The following DERA variants were observed in gnomAD, a reference collection of about 807,000 sequenced individuals.
DERA encodes deoxyribose-phosphate aldolase, also known as 2-deoxy-D-ribose 5-phosphate aldolase.
Under a neutral mutation model 41.1 loss-of-function variants are expected in DERA, and 15 were observed. That is an observed-to-expected ratio of 0.37 (90% CI 0.24 to 0.56). The LOEUF (loss-of-function observed/expected upper bound fraction) is 0.56. Ranked by LOEUF, DERA falls within the 20% of genes least tolerant of loss-of-function variation. DERA has a pLI of 0.81. For missense variants in DERA, 396 were observed against 403.4 expected (o/e 0.98, Z 0.16); for synonymous variants, 139 against 137.4 (o/e 1.01, Z -0.08).
Position 16,036,975 on chromosome 12 carries a change from A to G in DERA, c.*229A>G. ...AATTACTAGAAGATCTGCACTATTA[A>G]CTTTGTGAAGAGTTTCTCCTAAAAA... On this transcript the variant is annotated 3_prime_UTR_variant, in exon 9 of 9. Coordinates refer to ENST00000428559, the MANE Select transcript of DERA (RefSeq NM_015954.4). The surrounding 1 kb of genome is among the most constrained non-coding windows in gnomAD (Gnocchi z 4.9). 2.2e-6 allele frequency: 1 copy of G among 459,260 alleles called. No individual in the cohort carries two copies. The highest frequency in any genetic ancestry group is 3.8e-6 in the Non-Finnish European group (1 of 263,078). 28.4% of individuals were successfully genotyped at this position (459,260 alleles called of 1,614,324 possible). A position where few individuals can be genotyped will look rare whatever the true frequency, so the allele number is the denominator to read the frequency against.
chr12:16,010,556 A>AT lies in DERA; in HGVS notation c.638-21985dup, dbSNP rs1948940798. ...GGTCGCCAAGTGAAAAGGAATAAAG[A>AT]TAAAAATGAAGGCGTGACTAGTTGA... On this transcript the variant is annotated intron_variant, in intron 6 of 8. Coordinates refer to ENST00000428559, the MANE Select transcript of DERA (RefSeq NM_015954.4). The surrounding 1 kb of genome is among the most constrained non-coding windows in gnomAD (Gnocchi z 5.5). 3.3e-5 allele frequency among the ~76,000 whole-genome samples: 5 copies of AT among 152,094 alleles called. No homozygotes were observed. The South Asian group carries it at 6.3e-4, about 19-fold the overall frequency.
At chr12:16,018,692 A>G (rs987665374) in intron 6 of DERA, among the ~76,000 whole-genome samples, 3 of 152,264 alleles carry the variant, frequency 2.0e-5, no homozygotes, top group African/African-American at 4.8e-5. Context: ...TGTACCATGG[A>G]GACTTGTAAT....
chr12:15,945,214 C>T (rs1486527519), intron 1 of DERA, among the ~76,000 whole-genome samples: 1 of 152,124 alleles, frequency 6.6e-6, no homozygotes, highest in Non-Finnish European at 1.5e-5. Flanking sequence ...GCAATGTGGG[C>T]TGTTTTTTGG....
chr12:15,932,150 A>G (rs568250854), intron 1 of DERA, among the ~76,000 whole-genome samples: 1 of 152,372 alleles, frequency 6.6e-6, no homozygotes, highest in East Asian at 1.9e-4. Context: ...ATCTTGTGAT[A>G]TGAAAACTTT....
chr12:15,979,211 GA>G (rs994075586), intron 5 of DERA, among the ~76,000 whole-genome samples: 6 of 152,082 alleles, frequency 3.9e-5, no homozygotes, highest in African/African-American at 1.4e-4. Flanking sequence ...GCCTTGCTTG[GA>G]AAAAAAGCAG....
intron 6 of DERA, among the ~76,000 whole-genome samples, chr12:16,023,328 TA>T (rs1349916260): frequency 6.6e-6 from 1 of 152,136 alleles, no homozygotes; most frequent in East Asian, 1.9e-4. Context: ...CAGCAAACCT[TA>T]AACACAGCCC....
rs1236741661 is a variant in DERA, at chr12:15,913,950, A to G, written c.31+2536A>G. ...TGCCCTATATAGTCTATTAAAATGTACAGATATTCTTCTATTTTATTAGAT... is the reference window on the plus strand; with the variant it reads ...TGCCCTATATAGTCTATTAAAATGTGCAGATATTCTTCTATTTTATTAGAT... On this transcript the variant is annotated intron_variant, in intron 1 of 8. Transcript: ENST00000428559. This position sits in a 1 kb window ranked among gnomAD's most constrained non-coding sequence, Gnocchi z 4.5. Among the ~76,000 whole-genome samples, 2 of 152,202 alleles carry G rather than the reference A, an allele frequency of 1.3e-5. No individual in the cohort carries two copies. The highest frequency in any genetic ancestry group is 4.8e-5 in the African/African-American group (2 of 41,468).
chr12:15,987,536 C>T (rs553263441), intron 6 of DERA, among the ~76,000 whole-genome samples: 2 of 152,178 alleles, frequency 1.3e-5, no homozygotes, highest in East Asian at 3.9e-4. Flanking sequence ...TGTGCCCAGC[C>T]TAAAACCATA....
In DERA at chr12:15,985,325, G is replaced by T. The variant is rs1050937125; in HGVS notation, c.637+2889G>T. 2 of 152,132 alleles carry T rather than the reference G, an allele frequency of 1.3e-5. No homozygotes were observed. Among genetic ancestry groups the T allele is most frequent in the Non-Finnish European group, 2.9e-5 (2 of 68,030 alleles). The allele number at this position is 152,132 out of a possible 1,614,324, so 9.4% of individuals were successfully genotyped here. ...GAGATCTTAAGGAGTTTGCCTAGAA[G>T]TATTTCACTGTGTAAGTATACTGAG... is the stretch of plus-strand genomic sequence containing the variant. On this transcript the variant is annotated intron_variant, in intron 6 of 8. Transcript: ENST00000428559. The surrounding 1 kb of genome is among the most constrained non-coding windows in gnomAD (Gnocchi z 4.2).
rs1420673947 is a variant in DERA, at chr12:16,004,506, T to G, written c.637+22070T>G. 6.6e-6 allele frequency among the ~76,000 whole-genome samples: 1 copy of G among 152,092 alleles called. No individual in the cohort carries two copies. The highest frequency in any genetic ancestry group is 1.5e-5 in the Non-Finnish European group (1 of 68,020). Reference sequence around the variant, plus strand: ...TTTTTCTTAGTACATTGAAAAAAATTAAAGCTAGTAAGGAAAAGAGGCATC... The same window carrying G: ...TTTTTCTTAGTACATTGAAAAAAATGAAAGCTAGTAAGGAAAAGAGGCATC... On this transcript the variant is annotated intron_variant, in intron 6 of 8. Transcript: ENST00000428559. This position sits in a 1 kb window ranked among gnomAD's most constrained non-coding sequence, Gnocchi z 4.2.
rs1445854324 is a variant in DERA, at chr12:16,013,448, T to G, written c.638-19094T>G. Among the ~76,000 whole-genome samples the G allele has an allele frequency of 6.6e-6, 1 of 152,184 alleles. No homozygotes were observed. The highest frequency in any genetic ancestry group is 1.9e-4 in the East Asian group (1 of 5,194). Reference sequence around the variant, plus strand: ...TGGTTTTATAAGGAGTTCTCCTACCTTTGCTCGGCACTTCTTGCTGCTGCC... The same window carrying G: ...TGGTTTTATAAGGAGTTCTCCTACCGTTGCTCGGCACTTCTTGCTGCTGCC... On this transcript the variant is annotated intron_variant, in intron 6 of 8. Transcript: ENST00000428559. The surrounding 1 kb of genome is among the most constrained non-coding windows in gnomAD (Gnocchi z 5.8).
At chr12:15,930,110 G>A (rs1404327497) in intron 1 of DERA, among the ~76,000 whole-genome samples, 2 of 152,114 alleles carry the variant, frequency 1.3e-5, no homozygotes, top group Non-Finnish European at 2.9e-5. Context: ...AATATAGTGA[G>A]CCACAATAAG....
rs1278646809 is a variant in DERA at position 16,036,128 on chromosome 12, C to A, written c.751-104C>A. The A allele has an allele frequency of 2.7e-6, 3 of 1,127,134 alleles. No homozygotes were observed. Among genetic ancestry groups the A allele is most frequent in the Non-Finnish European group, 3.5e-6 (3 of 862,348 alleles). 69.8% of individuals were successfully genotyped at this position (1,127,134 alleles called of 1,614,324 possible). A position where few individuals can be genotyped will look rare whatever the true frequency, so the allele number is the denominator to read the frequency against. ...ATGAAGTGAAAAGATTTTTTTTCAA[C>A]AAAAGAGGGAGAGAGAGAATCAAGA... On this transcript the variant is annotated intron_variant, in intron 7 of 8. Transcript: ENST00000428559. This position sits in a 1 kb window ranked among gnomAD's most constrained non-coding sequence, Gnocchi z 4.9.
chr12:15,942,583 G>A (rs965028073), intron 1 of DERA, among the ~76,000 whole-genome samples: 1 of 152,160 alleles, frequency 6.6e-6, no homozygotes. Flanking sequence ...CATCTGGCTT[G>A]CCAGTTTTCC....
At position 16,004,592 on chromosome 12, in the gene DERA, G is replaced by A. The variant is rs1948897620; in HGVS notation, c.637+22156G>A. On this transcript the variant is annotated intron_variant, in intron 6 of 8. Transcript: ENST00000428559. The surrounding 1 kb of genome is among the most constrained non-coding windows in gnomAD (Gnocchi z 4.2). ...TAACCACCTTTCTAAATGTTTAATA[G>A]TAGTCATATTAACTTATTAAATTGT... Among the ~76,000 whole-genome samples, 1 of 152,142 alleles carries A rather than the reference G, an allele frequency of 6.6e-6. No homozygotes were observed. The highest frequency in any genetic ancestry group is 2.1e-4 in the South Asian group (1 of 4,826).
In DERA at chr12:15,966,740, TC is replaced by T. The variant is rs1318803828; in HGVS notation, c.508+3796del. 6.6e-6 allele frequency among the ~76,000 whole-genome samples: 1 copy of T among 152,094 alleles called. No homozygotes were observed. Among genetic ancestry groups the T allele is most frequent in the African/African-American group, 2.4e-5 (1 of 41,434 alleles). On this transcript the variant is annotated intron_variant, in intron 5 of 8. Transcript: ENST00000428559. This position sits in a 1 kb window ranked among gnomAD's most constrained non-coding sequence, Gnocchi z 5.1. Reference sequence around the variant, plus strand: ...GCAAGCTCCTTCACCTCCTCTGTCATCCCTGAAGTGTCCATGTTTCTCAGAA... The same window carrying T: ...GCAAGCTCCTTCACCTCCTCTGTCATCCTGAAGTGTCCATGTTTCTCAGAA...
At position 15,984,944 on chromosome 12, in the gene DERA, A is replaced by G. The variant is rs534226210; in HGVS notation, c.637+2508A>G. Among the ~76,000 whole-genome samples the G allele has an allele frequency of 1.3e-5, 2 of 152,330 alleles. No homozygotes were observed. Among genetic ancestry groups the G allele is most frequent in the Admixed American group, 6.5e-5 (1 of 15,294 alleles). ...TTACAAATTTCTGACTAAATTCTGT[A>G]TTCTACTTCTGTGGTGGTATAAAAA... On this transcript the variant is annotated intron_variant, in intron 6 of 8. Coordinates refer to ENST00000428559, the MANE Select transcript of DERA (RefSeq NM_015954.4). This position sits in a 1 kb window ranked among gnomAD's most constrained non-coding sequence, Gnocchi z 4.5.
At chr12:16,022,451 G>A (rs1949022814) in intron 6 of DERA, among the ~76,000 whole-genome samples, 1 of 152,104 alleles carries the variant, frequency 6.6e-6, no homozygotes, top group Non-Finnish European at 1.5e-5. Flanking sequence ...TGCAATAATG[G>A]ACTAACACAG....
At chr12:15,977,442 A>G (rs1055858733) in intron 5 of DERA, among the ~76,000 whole-genome samples, 1 of 152,122 alleles carries the variant, frequency 6.6e-6, no homozygotes, top group Non-Finnish European at 1.5e-5. Flanking sequence ...TTATCTCTCC[A>G]CATCTCACTT....
Sources: allele counts gnomAD v4.1 joint callset (sites outside exome capture counted in the v4.1 genomes callset), GRCh38; gene constraint gnomAD v4.1.1; non-coding constraint Gnocchi (gnomAD v3.1); transcripts MANE v1.5; gene names NCBI Gene and HGNC (gene_info 2026-07-23, HGNC 2026-07-21).